CEP250: variants seen among roughly 807,000 people sequenced by gnomAD.
CEP250 encodes the protein centrosome-associated protein CEP250.
CEP250 carries 242 observed loss-of-function variants against 315.7 expected under a neutral mutation model. That is an observed-to-expected ratio of 0.77 (90% CI 0.69 to 0.85). CEP250 has a LOEUF of 0.85. Among genes scored for constraint, CEP250 ranks in the 40% least tolerant of loss-of-function variants. CEP250 has a pLI of 0.00. For synonymous variants in CEP250, 1,088 were observed against 1,175.0 expected (o/e 0.93, Z 1.51); for missense variants, 2,515 against 2,886.4 (o/e 0.87, Z 2.95).
At chr20:35,470,471 C>T (rs138297835) in intron 10 of CEP250, among the ~76,000 whole-genome samples, 94 of 152,240 alleles carry the variant, frequency 6.2e-4, no homozygotes, top group Middle Eastern at 3.4e-3. Flanking sequence ...TATGAAGGGC[C>T]GGGCGCGGTG....
intron 29 of CEP250, among the ~76,000 whole-genome samples, 162 bp from the exon 30 acceptor site, chr20:35,502,228 A>G (rs1242431616): frequency 6.6e-6 from 1 of 152,040 alleles, no homozygotes; most frequent in Non-Finnish European, 1.5e-5. Flanking sequence ...GGTGGTAGGG[A>G]TGCCCTTTTA....
At position 35,493,498 on chromosome 20, in the gene CEP250, C is replaced by G. The variant is rs371312449; in HGVS notation, c.2959C>G (p.His987Asp). 6.2e-7 allele frequency: 1 copy of G among 1,610,084 alleles called. No homozygotes were observed. Among genetic ancestry groups the G allele is most frequent in the Non-Finnish European group, 8.5e-7 (1 of 1,178,384 alleles). ...GGAGCTGAAGGAGGCAGCCCGGCAG[C>G]ACAGAGATGACCTTGCTGCCCTCCA... ...QRELKEAARQ[H>D]RDDLAALQEE... Residue 987 changes from histidine to aspartate, a missense_variant, in exon 23 of 35, where the codon CAC (histidine) becomes GAC (aspartate). His to Asp is a moderately conservative substitution (Grantham distance 81). Coordinates refer to ENST00000397527, the MANE Select transcript of CEP250 (RefSeq NM_007186.6).
intron 9 of CEP250, among the ~76,000 whole-genome samples, chr20:35,469,438 A>C (rs2062969897): frequency 6.6e-6 from 1 of 152,262 alleles, no homozygotes; most frequent in South Asian, 2.1e-4. Context: ...TTTGAGATTA[A>C]TATCAAGAAG....
chr20:35,472,881 T>C, intron 12 of CEP250, 50 bp downstream of exon 12: 3 of 1,598,708 alleles, frequency 1.9e-6, no homozygotes, highest in Non-Finnish European at 2.6e-6. Context: ...GTGTCTAAAC[T>C]GGTTTGTGCC....
intron 10 of CEP250, among the ~76,000 whole-genome samples, chr20:35,471,721 A>G (rs190438065): frequency 2.0e-3 from 299 of 152,322 alleles, no homozygotes; most frequent in African/African-American, 7.0e-3. Context: ...ATTTACATGC[A>G]TTTTTCATTT....
chr20:35,509,159 C>A, intron 33 of CEP250, 115 bp downstream of exon 33: 1 of 795,432 alleles, frequency 1.3e-6, no homozygotes. Context: ...CCAGAGAGCC[C>A]CTCCTGACTG....
At chr20:35,467,596 G>T (rs776827124) in intron 9 of CEP250, 41 bp downstream of exon 9, 1 of 1,602,184 alleles carries the variant, frequency 6.2e-7, no homozygotes, top group Non-Finnish European at 8.5e-7. Flanking sequence ...CGCTGAGAGA[G>T]AGCTGACTCC....
In CEP250 at chr20:35,508,986, C is replaced by T. The variant is rs372133442; in HGVS notation, c.6950C>T (p.Ala2317Val). The part of the protein sequence containing the change: ...RRKLKREAMR[A>V]AQAGSLEISK... ...AAGCTGAAGAGGGAGGCCATGCGTG[C>T]GGCCCAGGCAGGGTCCCTAGAGATC... is the stretch of plus-strand genomic sequence containing the variant. The change falls in exon 33 of 35, where the codon GCG becomes GTG. Residue 2317 changes from alanine to valine, a missense_variant. By Grantham distance (64) the Ala-to-Val change is moderately conservative. Coordinates refer to ENST00000397527, the MANE Select transcript of CEP250 (RefSeq NM_007186.6). 1.2e-5 allele frequency: 18 copies of T among 1,558,150 alleles called. No individual in the cohort carries two copies. The highest frequency in any genetic ancestry group is 1.7e-4 in the Middle Eastern group (1 of 6,014).
chr20:35,496,400 T>C (rs753201465), intron 24 of CEP250, among the ~76,000 whole-genome samples, 177 bp from the exon 25 acceptor site: 3 of 152,084 alleles, frequency 2.0e-5, no homozygotes, highest in Admixed American at 6.5e-5. Context: ...AGGAAGTACC[T>C]AGGAGCACTT....
intron 3 of CEP250, among the ~76,000 whole-genome samples, chr20:35,461,402 C>T (rs1233286373): frequency 1.4e-5 from 2 of 146,274 alleles, no homozygotes; most frequent in Non-Finnish European, 3.0e-5. Flanking sequence ...GAACTCTTTA[C>T]CACCATGCCT....
chr20:35,511,140 A>C (rs1445269237), intron 34 of CEP250, among the ~76,000 whole-genome samples: 1 of 152,214 alleles, frequency 6.6e-6, no homozygotes. Context: ...CAAGCGCGCT[A>C]TTTGAGTCAC....
chr20:35,465,240 C>A (rs369974314), intron 5 of CEP250, among the ~76,000 whole-genome samples: 1 of 151,790 alleles, frequency 6.6e-6, no homozygotes, highest in Non-Finnish European at 1.5e-5. Flanking sequence ...GCCAACATGG[C>A]GAAACCCCAT....
At chr20:35,462,623 G>A in intron 4 of CEP250, 70 bp downstream of exon 4, 1 of 1,381,010 alleles carries the variant, frequency 7.2e-7, no homozygotes, top group Non-Finnish European at 9.8e-7. Context: ...GGTGAGATAA[G>A]GGTTGCAGGA....
chr20:35,488,395 A>G (rs761222863), intron 20 of CEP250, among the ~76,000 whole-genome samples: 6 of 152,262 alleles, frequency 3.9e-5, no homozygotes, highest in South Asian at 2.1e-4. Flanking sequence ...TGTAACTGAC[A>G]TTACACATTG....
At chr20:35,508,396 C>T (rs1229795524) in intron 32 of CEP250, among the ~76,000 whole-genome samples, 1 of 151,868 alleles carries the variant, frequency 6.6e-6, no homozygotes, top group African/African-American at 2.4e-5. Flanking sequence ...CTCACTGCAA[C>T]CTCCACCTCC....
chr20:35,503,065 C>T lies in CEP250; in HGVS notation c.4696C>T (p.His1566Tyr). 1 of 1,614,170 alleles carries T rather than the reference C, an allele frequency of 6.2e-7. No homozygotes were observed. Among genetic ancestry groups the T allele is most frequent in the Non-Finnish European group, 8.5e-7 (1 of 1,180,042 alleles). The change falls in exon 30 of 35, where the codon CAT (histidine) becomes TAT (tyrosine). Residue 1566 changes from histidine to tyrosine, a missense_variant. By Grantham distance (83) the His-to-Tyr change is moderately conservative. Transcript: ENST00000397527. The surrounding 1 kb of genome is among the most constrained non-coding windows in gnomAD (Gnocchi z 4.2). ...CCTGGCCCTGGAACTGGAGGAAAAC[C>T]ATCACAAGATGGAGTGCCAGCAAAA... ...ECLALELEENHHKMECQQKLI... is the reference protein window; with the variant it reads ...ECLALELEENYHKMECQQKLI...
intron 24 of CEP250, among the ~76,000 whole-genome samples, chr20:35,495,256 C>A (rs1381594075): frequency 6.6e-6 from 1 of 152,162 alleles, no homozygotes; most frequent in Non-Finnish European, 1.5e-5. Context: ...ATGAGCTGGG[C>A]AGGTCCACAG....
At chr20:35,462,848 A>G (rs186032247) in intron 4 of CEP250, among the ~76,000 whole-genome samples, 5 of 152,168 alleles carry the variant, frequency 3.3e-5, no homozygotes, top group African/African-American at 1.2e-4. Flanking sequence ...TGCAGCCTCA[A>G]CCTCCTGGGC....
Position 35,516,369 on chromosome 20 carries a change from TC to T in CEP250, c.*4746del, listed in dbSNP as rs1251943074. 3 of 152,248 alleles carry T rather than the reference TC, an allele frequency of 2.0e-5. No homozygotes were observed. Among genetic ancestry groups the T allele is most frequent in the East Asian group, 3.9e-4 (2 of 5,194 alleles). 9.4% of individuals were successfully genotyped at this position (152,248 alleles called of 1,614,324 possible). ...TGTCTTGGTTTCCTATCAAAACCTC[TC>T]CCGTATCTATGAACATTCCAGCCCT... On this transcript the variant is annotated 3_prime_UTR_variant, in exon 35 of 35. Coordinates refer to ENST00000397527, the MANE Select transcript of CEP250 (RefSeq NM_007186.6).
Sources: gnomAD v4.1 joint callset for allele counts (sites outside exome capture counted in the v4.1 genomes callset) on GRCh38, gnomAD v4.1.1 for gene constraint, Gnocchi (gnomAD v3.1) non-coding constraint, MANE v1.5 for transcripts, NCBI Gene and HGNC (gene_info 2026-07-23, HGNC 2026-07-21) for gene names.